TMEM204: variants seen among roughly 807,000 people sequenced by gnomAD.
The protein encoded by TMEM204 is claudin-like protein 24.
A neutral mutation model predicts 19.4 loss-of-function variants in TMEM204; 15 were observed. The observed-to-expected ratio is 0.77, with a 90% CI of 0.52 to 1.19. The LOEUF is 1.19. TMEM204 is among the 50% of genes most tolerant of loss of function. The probability of loss-of-function intolerance (pLI) is 0.00; values close to 1 mark genes in which losing one functional copy is unlikely to be tolerated. For missense variants in TMEM204, 287 were observed against 321.2 expected (o/e 0.89, Z 0.81); for synonymous variants, 161 against 146.0 (o/e 1.10, Z -0.74).
rs2032635105 is a variant in TMEM204, at chr16:1,551,530, G to A, written c.437-3252G>A. The stretch of plus-strand genomic sequence containing the variant: ...AGGGTGCTGAGTGCTGGGGAGACAG[G>A]ATGTGAGTTTCATACAGATCAGGGT... On this transcript the variant is annotated intron_variant, in intron 2 of 2. Transcript: ENST00000566264. The surrounding 1 kb of genome is among the most constrained non-coding windows in gnomAD (Gnocchi z 4.0). 6.6e-6 allele frequency among the ~76,000 whole-genome samples: 1 copy of A among 152,188 alleles called. No individual in the cohort carries two copies. Among genetic ancestry groups the A allele is most frequent in the Non-Finnish European group, 1.5e-5 (1 of 68,028 alleles).
chr16:1,550,049 G>A (rs1057079833), intron 2 of TMEM204, among the ~76,000 whole-genome samples: 3 of 151,910 alleles, frequency 2.0e-5, no homozygotes, highest in African/African-American at 7.3e-5. Flanking sequence ...TCGACCTCCT[G>A]GGCTCAGCCT....
In TMEM204 at chr16:1,553,845, G is replaced by A; in HGVS notation, c.437-937G>A. The A allele has an allele frequency of 8.2e-7, 1 of 1,221,214 alleles. No homozygotes were observed. Among genetic ancestry groups the A allele is most frequent in the Non-Finnish European group, 1.0e-6 (1 of 955,808 alleles). The allele number at this position is 1,221,214 out of a possible 1,614,324, so 75.6% of individuals were successfully genotyped here. A position where few individuals can be genotyped will look rare whatever the true frequency, so the allele number is the denominator to read the frequency against. On this transcript the variant is annotated intron_variant, in intron 2 of 2. Transcript: ENST00000566264. The surrounding 1 kb of genome is among the most constrained non-coding windows in gnomAD (Gnocchi z 4.4). ...GCCCGGCTCCATCGCTGCGGCCACA[G>A]TGTCCTGTTATCCTAGTTGGTAGAC...
rs781023466 is a variant in TMEM204, at chr16:1,534,216, C to G, written c.-60C>G. On this transcript the variant is annotated 5_prime_UTR_variant, in exon 1 of 3. Transcript: ENST00000566264. ...CCTAGCAGCGTCGGCTCTCCCTGGA[C>G]GTGCGGCCGCGGACTGGGACTTGGC... is the stretch of plus-strand genomic sequence containing the variant. 1.9e-6 allele frequency: 3 copies of G among 1,591,218 alleles called. No individual in the cohort carries two copies. In the East Asian group the frequency reaches 6.7e-5, roughly 36 times the overall value.
Position 1,541,938 on chromosome 16 carries a change from C to T in TMEM204, c.298C>T (p.Arg100Cys), listed in dbSNP as rs2031685118. The T allele has an allele frequency of 6.2e-7, 1 of 1,605,470 alleles. No homozygotes were observed. The highest frequency in any genetic ancestry group is 8.5e-7 in the Non-Finnish European group (1 of 1,176,770). ...GTVKLQFDMM[R>C]ACNLVATAAL... is the part of the protein sequence containing the mutation. Reference sequence around the variant, plus strand: ...GCCCACAGTGCAGTTCGACATGATGCGCGCCTGCAACCTGGTGGCCACGGC... The same window carrying T: ...GCCCACAGTGCAGTTCGACATGATGTGCGCCTGCAACCTGGTGGCCACGGC... The change falls in exon 2 of 3, where the codon CGC (arginine) becomes TGC (cysteine). Residue 100 changes from arginine to cysteine, a missense_variant. Physicochemically the swap from Arg to Cys is radical, Grantham distance 180. Transcript: ENST00000566264.
Position 1,553,291 on chromosome 16 carries a change from C to T in TMEM204, c.437-1491C>T. On this transcript the variant is annotated intron_variant, in intron 2 of 2. Coordinates refer to ENST00000566264, the MANE Select transcript of TMEM204 (RefSeq NM_024600.6). This position sits in a 1 kb window ranked among gnomAD's most constrained non-coding sequence, Gnocchi z 4.4. ...TGGTCTCTGTCTCTCTGTGTCTCTG[C>T]CTGTCTCTCTGTGTCTCTGTCTCTG... 1 of 981,386 alleles carries T rather than the reference C, an allele frequency of 1.0e-6. No homozygotes were observed. 60.8% of individuals were successfully genotyped at this position (981,386 alleles called of 1,614,324 possible). A position where few individuals can be genotyped will look rare whatever the true frequency, so the allele number is the denominator to read the frequency against.
intron 2 of TMEM204, among the ~76,000 whole-genome samples, chr16:1,550,588 C>T (rs984265406): frequency 2.6e-5 from 4 of 152,240 alleles, no homozygotes; most frequent in Non-Finnish European, 5.9e-5. Context: ...GGTGGCTCCA[C>T]ACTGCTAGGG....
At chr16:1,544,933 C>A (rs1321661195) in intron 2 of TMEM204, among the ~76,000 whole-genome samples, 1 of 152,236 alleles carries the variant, frequency 6.6e-6, no homozygotes, top group Non-Finnish European at 1.5e-5. Flanking sequence ...CAAGCGTGAG[C>A]CACGGCACCC....
intron 2 of TMEM204, among the ~76,000 whole-genome samples, chr16:1,549,828 T>A (rs1457590890): frequency 6.6e-6 from 1 of 152,242 alleles, no homozygotes; most frequent in African/African-American, 2.4e-5. Flanking sequence ...CCCTGCCTGT[T>A]AGGCTTGCTG....
At chr16:1,544,650 C>CT (rs559942970) in intron 2 of TMEM204, among the ~76,000 whole-genome samples, 3 of 151,200 alleles carry the variant, frequency 2.0e-5, no homozygotes, top group South Asian at 2.1e-4. Flanking sequence ...ATTTCTTTTT[C>CT]TTTTTTTTCT....
At position 1,555,397 on chromosome 16, in the gene TMEM204, A is replaced by G. The variant is rs775472888; in HGVS notation, c.*371A>G. The G allele has an allele frequency of 1.4e-5, 3 of 211,538 alleles. No homozygotes were observed. In the South Asian group the frequency reaches 2.9e-4, roughly 20 times the overall value. 13.1% of individuals were successfully genotyped at this position (211,538 alleles called of 1,614,324 possible). A position where few individuals can be genotyped will look rare whatever the true frequency, so the allele number is the denominator to read the frequency against. On this transcript the variant is annotated 3_prime_UTR_variant, in exon 3 of 3. Transcript: ENST00000566264. The stretch of plus-strand genomic sequence containing the variant: ...ATCTGCTGAGAGGGGCACCCCAGCC[A>G]TATCTTACACTTTGGTAAAGCAGAA...
At chr16:1,534,625 G>C in intron 1 of TMEM204, 70 bp downstream of exon 1, 1 of 1,589,106 alleles carries the variant, frequency 6.3e-7, no homozygotes, top group East Asian at 2.2e-5. Flanking sequence ...GATGTTAGGC[G>C]CGGACCTGGT....
chr16:1,551,449 G>C lies in TMEM204; in HGVS notation c.437-3333G>C, dbSNP rs199815134. Among the ~76,000 whole-genome samples, 1 of 152,152 alleles carries C rather than the reference G, an allele frequency of 6.6e-6. No individual in the cohort carries two copies. Among genetic ancestry groups the C allele is most frequent in the Non-Finnish European group, 1.5e-5 (1 of 68,020 alleles). ...GTGGAAAGGGCCACTGGGCCCCAGG[G>C]TGGCAGAAGGGCGGCCGCAGGTAGC... On this transcript the variant is annotated intron_variant, in intron 2 of 2. Transcript: ENST00000566264. This position sits in a 1 kb window ranked among gnomAD's most constrained non-coding sequence, Gnocchi z 4.0.
rs999708338 is a variant in TMEM204, at chr16:1,541,382, A to G, written c.281-539A>G. On this transcript the variant is annotated intron_variant, in intron 1 of 2. Coordinates refer to ENST00000566264, the MANE Select transcript of TMEM204 (RefSeq NM_024600.6). ...AGATGAGCTGCTTCTCCTCGGTCCC[A>G]AGTCCCTCAGCTGCTGGGAGGAGGG... 2.2e-5 allele frequency: 22 copies of G among 985,402 alleles called. No homozygotes were observed. In the Admixed American group the frequency reaches 1.0e-3, roughly 47 times the overall value. 61.0% of individuals were successfully genotyped at this position (985,402 alleles called of 1,614,324 possible). A position where few individuals can be genotyped will look rare whatever the true frequency, so the allele number is the denominator to read the frequency against.
At chr16:1,548,683 C>T (rs576524137) in intron 2 of TMEM204, among the ~76,000 whole-genome samples, 2 of 152,306 alleles carry the variant, frequency 1.3e-5, no homozygotes, top group African/African-American at 4.8e-5. Flanking sequence ...AGGGCCAGCC[C>T]CAGCCCTGTC....
chr16:1,531,148 T>A (rs914385967), upstream of TMEM204: 3 of 152,240 alleles, frequency 2.0e-5, no homozygotes, highest in African/African-American at 7.2e-5. This position sits in a 1 kb window ranked among gnomAD's most constrained non-coding sequence, Gnocchi z 4.7. Flanking sequence ...TTCTGGGGTT[T>A]GTGCATCTGA....
chr16:1,529,842 C>T (rs1040434938), upstream of TMEM204, among the ~76,000 whole-genome samples: 5 of 152,204 alleles, frequency 3.3e-5, no homozygotes, highest in Non-Finnish European at 2.9e-5. Context: ...CTCCCCAGAA[C>T]GCTGCTGGGC....
intron 1 of TMEM204, among the ~76,000 whole-genome samples, chr16:1,538,127 A>G (rs966226477): frequency 4.2e-4 from 64 of 152,272 alleles, no homozygotes; most frequent in Non-Finnish European, 6.3e-4. Flanking sequence ...GGCAGGCGGG[A>G]GCGTGGCTCA....
chr16:1,540,804 A>C, intron 1 of TMEM204: 1 of 984,366 alleles, frequency 1.0e-6, no homozygotes, highest in Non-Finnish European at 1.2e-6. Context: ...AGTTTTGGGA[A>C]TCGAATTTCC....
Position 1,555,303 on chromosome 16 carries a change from C to G in TMEM204, c.*277C>G, listed in dbSNP as rs1596357331. 2.2e-6 allele frequency: 1 copy of G among 452,412 alleles called. No individual in the cohort carries two copies. The allele number at this position is 452,412 out of a possible 1,614,324, so 28.0% of individuals were successfully genotyped here. ...CGCACTTCAGGGTGGAAGCTGGAAG[C>G]TGAGACACAGGTTAGGTGGCGCGAG... On this transcript the variant is annotated 3_prime_UTR_variant, in exon 3 of 3. Transcript: ENST00000566264.
Sources: allele counts gnomAD v4.1 joint callset (sites outside exome capture counted in the v4.1 genomes callset), GRCh38; gene constraint gnomAD v4.1.1; non-coding constraint Gnocchi (gnomAD v3.1); transcripts MANE v1.5; gene names NCBI Gene and HGNC (gene_info 2026-07-23, HGNC 2026-07-21).